The following NXPE2 variants were observed in gnomAD, a reference collection of about 807,000 sequenced individuals.
The protein encoded by NXPE2 is neurexophilin and PC-esterase domain family member 2.
In NXPE2, 34 loss-of-function variants were observed where a neutral mutation model predicts 34.4. The ratio of observed to expected loss-of-function variants is 0.99; its 90% CI spans 0.75 to 1.31. The LOEUF (loss-of-function observed/expected upper bound fraction) is 1.31. Among genes scored for constraint, NXPE2 ranks in the 40% most tolerant of loss-of-function variants. The pLI, the probability that NXPE2 is intolerant of heterozygous loss-of-function variation, is 0.00. For missense variants in NXPE2, 649 were observed against 672.5 expected (o/e 0.97, Z 0.39); for synonymous variants, 235 against 231.3 (o/e 1.02, Z -0.15).
At chr11:114,746,654 A>G in the NXPE2 span, among the ~76,000 whole-genome samples, 2 of 152,156 alleles carry the variant, frequency 1.3e-5, no homozygotes, top group Non-Finnish European at 2.9e-5. Flanking sequence ...GATCGAGACC[A>G]TCCTGGCTAA....
intron 2 of NXPE2, among the ~76,000 whole-genome samples, chr11:114,695,586 G>A (rs556975068): frequency 2.2e-4 from 33 of 152,010 alleles, no homozygotes; most frequent in African/African-American, 6.8e-4. Flanking sequence ...TAGTGGCATC[G>A]GAACTAGAAA....
the NXPE2 span, among the ~76,000 whole-genome samples, chr11:114,811,063 T>C: frequency 1.3e-5 from 2 of 151,696 alleles, no homozygotes; most frequent in African/African-American, 4.8e-5. Context: ...GAAACCATCA[T>C]TCTCAGCAAA....
the NXPE2 span, among the ~76,000 whole-genome samples, chr11:114,624,737 C>T: frequency 0.18 from 27,004 of 151,072 alleles, 3,067 homozygotes; most frequent in African/African-American, 0.32. Flanking sequence ...GTATTGCCTC[C>T]AGGGTAACCA....
At chr11:114,638,610 C>T in the NXPE2 span, among the ~76,000 whole-genome samples, 3 of 151,930 alleles carry the variant, frequency 2.0e-5, no homozygotes, top group African/African-American at 7.2e-5. Context: ...CTACTTTTGT[C>T]TTTGATGATG....
At chr11:114,766,012 C>A in the NXPE2 span, among the ~76,000 whole-genome samples, 1 of 152,188 alleles carries the variant, frequency 6.6e-6, no homozygotes, top group South Asian at 2.1e-4. Flanking sequence ...AATCATCACA[C>A]TTCCTTTTTC....
At chr11:114,486,075 C>G in the NXPE2 span, among the ~76,000 whole-genome samples, 1 of 152,180 alleles carries the variant, frequency 6.6e-6, no homozygotes, top group East Asian at 1.9e-4. Context: ...CCAAACTGTT[C>G]TTCATAGTGG....
At chr11:114,640,317 A>G in the NXPE2 span, among the ~76,000 whole-genome samples, 93 of 146,738 alleles carry the variant, frequency 6.3e-4, 1 homozygote, top group South Asian at 0.017. Context: ...ATATTTATAT[A>G]TTATATGTTT....
At chr11:114,519,590 G>T in the NXPE2 span, among the ~76,000 whole-genome samples, 1 of 152,148 alleles carries the variant, frequency 6.6e-6, no homozygotes, top group African/African-American at 2.4e-5. Context: ...CTTCACAGAA[G>T]AAAATAATTC....
At chr11:114,760,968 A>G in the NXPE2 span, among the ~76,000 whole-genome samples, 140,452 of 152,176 alleles carry the variant, frequency 0.92, 65,879 homozygotes, top group East Asian at 1. Flanking sequence ...GCTTCTGATT[A>G]TGAAGATGTG....
At chr11:114,540,759 AG>A in the NXPE2 span, among the ~76,000 whole-genome samples, 1 of 143,740 alleles carries the variant, frequency 7.0e-6, no homozygotes, top group African/African-American at 2.5e-5. Context: ...CATTAAGAGG[AG>A]GTAAGTTTCC....
the NXPE2 span, chr11:114,530,441 C>T: frequency 1.7e-4 from 272 of 1,614,234 alleles, no homozygotes; most frequent in East Asian, 2.0e-3. Context: ...AGAGAGCCGA[C>T]GCCCCTTCAC....
the NXPE2 span, among the ~76,000 whole-genome samples, chr11:114,517,159 G>T: frequency 6.6e-6 from 1 of 152,114 alleles, no homozygotes; most frequent in African/African-American, 2.4e-5. Flanking sequence ...TGTCTTCTCT[G>T]TTGGGATCTT....
chr11:114,772,662 A>G, the NXPE2 span, among the ~76,000 whole-genome samples: 1 of 152,074 alleles, frequency 6.6e-6, no homozygotes, highest in Non-Finnish European at 1.5e-5. Context: ...AACGCCATGG[A>G]CACCAACACC....
the NXPE2 span, among the ~76,000 whole-genome samples, chr11:114,619,794 G>T: frequency 1.3e-5 from 2 of 151,776 alleles, no homozygotes; most frequent in African/African-American, 4.8e-5. Context: ...GTAATGCCTC[G>T]TGAGTAACCA....
chr11:114,530,727 G>C, the NXPE2 span: 1 of 1,614,210 alleles, frequency 6.2e-7, no homozygotes, highest in Non-Finnish European at 8.5e-7. Context: ...ACTGGTGGTG[G>C]TGTTCACATG....
At chr11:114,806,357 C>T in the NXPE2 span, among the ~76,000 whole-genome samples, 4 of 152,116 alleles carry the variant, frequency 2.6e-5, no homozygotes, top group South Asian at 2.1e-4. Flanking sequence ...ATGACTTGGA[C>T]GAGTTGAGAG....
the NXPE2 span, among the ~76,000 whole-genome samples, chr11:114,800,498 C>T: frequency 2.0e-5 from 3 of 152,130 alleles, no homozygotes; most frequent in Admixed American, 6.5e-5. Flanking sequence ...CCTTTTGAGT[C>T]GTATTTTATG....
chr11:114,651,117 T>C, the NXPE2 span, among the ~76,000 whole-genome samples: 1 of 152,046 alleles, frequency 6.6e-6, no homozygotes, highest in Admixed American at 6.6e-5. Context: ...TATAATAGAA[T>C]GTGTCCAGAT....
the NXPE2 span, among the ~76,000 whole-genome samples, chr11:114,719,474 G>A: frequency 6.6e-6 from 1 of 152,198 alleles, no homozygotes; most frequent in Non-Finnish European, 1.5e-5. Context: ...GCTTGGTTGT[G>A]CCTTGGCTTC....
Sources: allele counts gnomAD v4.1 joint callset (sites outside exome capture counted in the v4.1 genomes callset), GRCh38; gene constraint gnomAD v4.1.1; transcripts MANE v1.5; gene names NCBI Gene and HGNC (gene_info 2026-07-23, HGNC 2026-07-21).